The following CORO2B variants were observed in gnomAD, a reference collection of about 807,000 sequenced individuals.
CORO2B encodes the protein coronin 2B.
Under a neutral mutation model 58.8 loss-of-function variants are expected in CORO2B, and 26 were observed. The observed-to-expected ratio is 0.44, with a 90% confidence interval of 0.32 to 0.61. CORO2B has a LOEUF of 0.61. Ranked by LOEUF, CORO2B falls within the 20% of genes least tolerant of loss-of-function variation. The probability of loss-of-function intolerance (pLI) is 0.04; values close to 1 mark genes in which losing one functional copy is unlikely to be tolerated. For missense variants in CORO2B, 460 were observed against 645.1 expected (o/e 0.71, Z 3.11); for synonymous variants, 242 against 253.8 (o/e 0.95, Z 0.44).
the CORO2B span, among the ~76,000 whole-genome samples, chr15:68,556,675 G>A: frequency 9.8e-5 from 15 of 152,316 alleles, no homozygotes; most frequent in African/African-American, 3.4e-4. Context: ...TCTTTACTCC[G>A]CAGACAGTTC....
chr15:68,532,969 G>C, the CORO2B span, among the ~76,000 whole-genome samples: 2 of 152,218 alleles, frequency 1.3e-5, no homozygotes, highest in Non-Finnish European at 2.9e-5. Flanking sequence ...AATTCATGAA[G>C]TTTCAGCCTC....
chr15:68,569,550 C>T, the CORO2B span, among the ~76,000 whole-genome samples: 12 of 152,204 alleles, frequency 7.9e-5, no homozygotes, highest in South Asian at 6.2e-4. Context: ...TGAAGGACAT[C>T]TTAGTTGTGC....
At chr15:68,535,317 T>C in the CORO2B span, among the ~76,000 whole-genome samples, 1 of 152,218 alleles carries the variant, frequency 6.6e-6, no homozygotes, top group Non-Finnish European at 1.5e-5. Context: ...AAGGTTATAA[T>C]TTGGAATCTG....
chr15:68,540,486 C>A, the CORO2B span, among the ~76,000 whole-genome samples: 1 of 152,164 alleles, frequency 6.6e-6, no homozygotes, highest in Non-Finnish European at 1.5e-5. Flanking sequence ...GTCTGATTAA[C>A]TTTACCTTAT....
At chr15:68,691,637 A>AAAAG (rs1315089319) in intron 2 of CORO2B, among the ~76,000 whole-genome samples, 2 of 149,502 alleles carry the variant, frequency 1.3e-5, no homozygotes, top group Non-Finnish European at 3.0e-5. Flanking sequence ...AAAAAAAAAA[A>AAAAG]AAAAAAAAAG....
the CORO2B span, among the ~76,000 whole-genome samples, chr15:68,518,917 A>C: frequency 6.6e-6 from 1 of 152,188 alleles, no homozygotes; most frequent in Non-Finnish European, 1.5e-5. Context: ...GTTTATGAGG[A>C]GGAGCCTGGA....
At chr15:68,662,617 C>T (rs889986042) in intron 2 of CORO2B, among the ~76,000 whole-genome samples, 2 of 152,090 alleles carry the variant, frequency 1.3e-5, no homozygotes, top group Non-Finnish European at 2.9e-5. Context: ...AGATGATTAG[C>T]CTCACATGCA....
intron 3 of CORO2B, among the ~76,000 whole-genome samples, chr15:68,706,751 C>T (rs116755020): frequency 0.024 from 3,624 of 152,142 alleles, 145 homozygotes; most frequent in African/African-American, 0.083. Flanking sequence ...ACTCTGTCAC[C>T]CACACTAAAG....
chr15:68,561,230 G>C, the CORO2B span, among the ~76,000 whole-genome samples: 35 of 152,274 alleles, frequency 2.3e-4, no homozygotes, highest in African/African-American at 8.2e-4. Flanking sequence ...GGGCTGGGCT[G>C]GGACAGTGGA....
intron 2 of CORO2B, among the ~76,000 whole-genome samples, chr15:68,679,143 TA>T (rs1902687208): frequency 6.6e-6 from 1 of 152,208 alleles, no homozygotes; most frequent in South Asian, 2.1e-4. Flanking sequence ...CAGTAGTGAC[TA>T]AAACAGACAG....
chr15:68,619,754 CGT>C (rs146181063), intron 1 of CORO2B, among the ~76,000 whole-genome samples: 8 of 151,210 alleles, frequency 5.3e-5, no homozygotes, highest in African/African-American at 1.7e-4. Context: ...TGCGTGCATG[CGT>C]GTGTGTGTGT....
intron 1 of CORO2B, among the ~76,000 whole-genome samples, chr15:68,617,392 G>A (rs902172374): frequency 2.0e-5 from 3 of 152,204 alleles, no homozygotes; most frequent in Admixed American, 6.5e-5. Flanking sequence ...TCCCTTCACT[G>A]GTAGTCTGGG....
At chr15:68,577,731 A>C (rs953082293), upstream of CORO2B, among the ~76,000 whole-genome samples, 2 of 151,342 alleles carry the variant, frequency 1.3e-5, no homozygotes, top group Non-Finnish European at 2.9e-5. Flanking sequence ...TCTCAAAAAA[A>C]AAAAAAAAAA....
the CORO2B span, among the ~76,000 whole-genome samples, chr15:68,546,948 AAAAT>A: frequency 6.6e-6 from 1 of 152,220 alleles, no homozygotes; most frequent in African/African-American, 2.4e-5. Flanking sequence ...ATGGATTTGA[AAAAT>A]AAATTAATTT....
At chr15:68,635,277 C>T (rs1900995633) in intron 1 of CORO2B, among the ~76,000 whole-genome samples, 1 of 152,210 alleles carries the variant, frequency 6.6e-6, no homozygotes, top group South Asian at 2.1e-4. Context: ...CCCTCAGTTC[C>T]TCAAAATAGG....
In CORO2B at chr15:68,726,365, C is replaced by G. The variant is rs1406520505; in HGVS notation, c.*391C>G. 1 of 281,236 alleles carries G rather than the reference C, an allele frequency of 3.6e-6. No homozygotes were observed. The highest frequency in any genetic ancestry group is 2.3e-5 in the African/African-American group (1 of 42,574). The allele number at this position is 281,236 out of a possible 1,614,324, so 17.4% of individuals were successfully genotyped here. On this transcript the variant is annotated 3_prime_UTR_variant, in exon 12 of 12. Coordinates refer to ENST00000261861, the MANE Select transcript of CORO2B (RefSeq NM_006091.5). ...CCTGTGAAGGGGGCTGCCAGGACAT[C>G]TCAGCACTCCCGCCTGGAGCTCTCA... is the stretch of plus-strand genomic sequence containing the variant.
intron 11 of CORO2B, among the ~76,000 whole-genome samples, chr15:68,721,744 G>GTATTTATT (rs10675118): frequency 1.9e-4 from 28 of 144,260 alleles, no homozygotes; most frequent in East Asian, 3.9e-4. Context: ...GTGTTTTCTT[G>GTATTTATT]TATTTATTTA....
At chr15:68,532,407 C>T in the CORO2B span, among the ~76,000 whole-genome samples, 1 of 152,062 alleles carries the variant, frequency 6.6e-6, no homozygotes, top group Non-Finnish European at 1.5e-5. Context: ...TTCATGTTTT[C>T]TTCTCATCTG....
At chr15:68,559,714 G>A in the CORO2B span, 3 of 860,236 alleles carry the variant, frequency 3.5e-6, no homozygotes, top group Non-Finnish European at 4.2e-6. The surrounding 1 kb of genome is among the most constrained non-coding windows in gnomAD (Gnocchi z 4.3). Context: ...GTTCTCCCAG[G>A]GGGACTGTCG....
Sources: gnomAD v4.1 joint callset for allele counts (sites outside exome capture counted in the v4.1 genomes callset) on GRCh38, gnomAD v4.1.1 for gene constraint, Gnocchi (gnomAD v3.1) non-coding constraint, MANE v1.5 for transcripts, NCBI Gene and HGNC (gene_info 2026-07-23, HGNC 2026-07-21) for gene names.